Variants in CTNNA3 observed in about 807,000 individuals in gnomAD.
CTNNA3 encodes the protein catenin alpha 3.
Under a neutral mutation model 95.7 loss-of-function variants are expected in CTNNA3, and 76 were observed. The observed-to-expected ratio is 0.79, with a 90% CI of 0.66 to 0.96. The LOEUF is 0.96. Among genes scored for constraint, CTNNA3 ranks in the 40% least tolerant of loss-of-function variants. CTNNA3 has a pLI of 0.00. For synonymous variants in CTNNA3, 431 were observed against 374.4 expected, an observed-to-expected ratio of 1.15 and a Z score of -1.74; for missense variants, 1,191 against 1,089.8, an observed-to-expected ratio of 1.09 and a Z score of -1.31.
intron 7 of CTNNA3, among the ~76,000 whole-genome samples, chr10:66,787,921 C>T (rs567079483): frequency 2.0e-5 from 3 of 152,240 alleles, no homozygotes; most frequent in East Asian, 1.9e-4. Context: ...AGAGACAGAA[C>T]TAAATACTGT....
chr10:66,477,326 T>C (rs1387332575), intron 11 of CTNNA3, among the ~76,000 whole-genome samples: 1 of 152,128 alleles, frequency 6.6e-6, no homozygotes, highest in Non-Finnish European at 1.5e-5. Flanking sequence ...ATCTTTTATA[T>C]AATATTTCAG....
intron 12 of CTNNA3, among the ~76,000 whole-genome samples, chr10:66,370,728 G>A (rs1158771971): frequency 6.6e-6 from 1 of 151,912 alleles, no homozygotes; most frequent in Non-Finnish European, 1.5e-5. Flanking sequence ...ATTTTTTTGA[G>A]AGACAGGGTC....
intron 5 of CTNNA3, among the ~76,000 whole-genome samples, chr10:67,220,283 A>C (rs1864592035): frequency 6.6e-6 from 1 of 152,252 alleles, no homozygotes; most frequent in Admixed American, 6.5e-5. Context: ...AAATTAGACC[A>C]ATTGAGTTAA....
chr10:66,568,317 A>T (rs759318785), intron 10 of CTNNA3, among the ~76,000 whole-genome samples: 1 of 152,216 alleles, frequency 6.6e-6, no homozygotes, highest in African/African-American at 2.4e-5. Flanking sequence ...TCCCTTCAAC[A>T]AAACTGACAA....
intron 3 of CTNNA3, among the ~76,000 whole-genome samples, chr10:67,580,094 A>T (rs1309364696): frequency 6.6e-6 from 1 of 152,018 alleles, no homozygotes; most frequent in African/African-American, 2.4e-5. Context: ...TTTTGTTGCC[A>T]TTGCTTTTGG....
intron 7 of CTNNA3, among the ~76,000 whole-genome samples, chr10:67,112,170 T>G (rs564470983): frequency 6.6e-6 from 1 of 152,292 alleles, no homozygotes; most frequent in Admixed American, 6.5e-5. Context: ...GTTCCACCCT[T>G]TTCAATATAT....
chr10:66,333,143 G>A (rs551104666), intron 12 of CTNNA3, among the ~76,000 whole-genome samples: 11 of 151,156 alleles, frequency 7.3e-5, no homozygotes, highest in East Asian at 1.9e-4. Context: ...TCTTGCTAGC[G>A]GCCTATCAAT....
intron 17 of CTNNA3, among the ~76,000 whole-genome samples, chr10:65,945,454 T>C (rs1436871888): frequency 2.0e-5 from 3 of 152,180 alleles, no homozygotes; most frequent in African/African-American, 7.2e-5. Context: ...CTAAAAATGC[T>C]GTGCTTTAAG....
chr10:67,112,874 A>ATT (rs111274147), intron 7 of CTNNA3, among the ~76,000 whole-genome samples: 4 of 151,762 alleles, frequency 2.6e-5, no homozygotes, highest in African/African-American at 9.7e-5. Context: ...ATGGAATATC[A>ATT]TTTTTTAAAA....
chr10:66,581,623 ATTTT>A (rs1410797412), intron 10 of CTNNA3, among the ~76,000 whole-genome samples: 1 of 151,216 alleles, frequency 6.6e-6, no homozygotes, highest in Non-Finnish European at 1.5e-5. Flanking sequence ...ATGATTATTT[ATTTT>A]GCTGTGAAGA....
intron 13 of CTNNA3, among the ~76,000 whole-genome samples, chr10:66,239,283 T>C (rs2089999290): frequency 6.6e-6 from 1 of 151,792 alleles, no homozygotes; most frequent in African/African-American, 2.4e-5. Flanking sequence ...TTAATTACAT[T>C]TTATTTTAAT....
At chr10:67,193,972 T>C (rs116490207) in intron 6 of CTNNA3, among the ~76,000 whole-genome samples, 15,434 of 152,050 alleles carry the variant, frequency 0.1, 1,338 homozygotes, top group African/African-American at 0.23. Context: ...CTCGCCAACA[T>C]CTGTTATTTT....
chr10:67,262,107 C>T (rs1378062822), intron 5 of CTNNA3, among the ~76,000 whole-genome samples: 4 of 151,790 alleles, frequency 2.6e-5, no homozygotes, highest in Non-Finnish European at 5.9e-5. Context: ...TGATCTGATA[C>T]TTTTTAGACT....
intron 11 of CTNNA3, among the ~76,000 whole-genome samples, chr10:66,403,023 T>A (rs1016354418): frequency 6.6e-6 from 1 of 152,170 alleles, no homozygotes; most frequent in African/African-American, 2.4e-5. Flanking sequence ...CTTAACCAAT[T>A]GCAAATCAGA....
At chr10:66,544,664 A>G (rs1024918865) in intron 10 of CTNNA3, among the ~76,000 whole-genome samples, 1 of 152,122 alleles carries the variant, frequency 6.6e-6, no homozygotes, top group Non-Finnish European at 1.5e-5. Context: ...CCTCAGGAAA[A>G]ATGAAGTCAG....
intron 16 of CTNNA3, among the ~76,000 whole-genome samples, chr10:65,968,202 G>A (rs943663539): frequency 6.6e-6 from 1 of 151,830 alleles, no homozygotes; most frequent in African/African-American, 2.4e-5. Context: ...CCAGCCTGGG[G>A]AACATAGGGA....
chr10:67,674,844 T>A (rs938722143), intron 1 of CTNNA3, among the ~76,000 whole-genome samples: 7 of 152,174 alleles, frequency 4.6e-5, no homozygotes, highest in Admixed American at 4.6e-4. Flanking sequence ...GTAAATATAA[T>A]CTTTTGTCAG....
intron 9 of CTNNA3, among the ~76,000 whole-genome samples, chr10:66,722,471 T>C (rs574447719): frequency 1.1e-4 from 16 of 152,052 alleles, no homozygotes; most frequent in East Asian, 3.9e-4. Flanking sequence ...TAGATTTTCC[T>C]GAGTGTAAGT....
At chr10:66,376,459 G>C (rs186513586) in intron 12 of CTNNA3, among the ~76,000 whole-genome samples, 181 of 152,162 alleles carry the variant, frequency 1.2e-3, no homozygotes, top group African/African-American at 4.2e-3. Context: ...GATATAATAG[G>C]TCAGCCCTGC....
Sources: allele counts gnomAD v4.1 joint callset (sites outside exome capture counted in the v4.1 genomes callset), GRCh38; gene constraint gnomAD v4.1.1; transcripts MANE v1.5; gene names NCBI Gene and HGNC (gene_info 2026-07-23, HGNC 2026-07-21).